PRKAG2: variants seen among roughly 807,000 people sequenced by gnomAD.
PRKAG2 encodes the protein 5'-AMP-activated protein kinase subunit gamma-2.
PRKAG2 carries 26 observed loss-of-function variants against 69.6 expected under a neutral mutation model. The observed-to-expected ratio is 0.37, with a 90% CI of 0.27 to 0.52. The LOEUF (loss-of-function observed/expected upper bound fraction) is 0.52. PRKAG2 is among the 20% of genes least tolerant of loss of function. The pLI, the probability that PRKAG2 is intolerant of heterozygous loss-of-function variation, is 0.90. For synonymous variants in PRKAG2, 293 were observed against 285.0 expected (o/e 1.03, Z -0.28); for missense variants, 557 against 740.0 (o/e 0.75, Z 2.87).
chr7:151,565,241 T>C, intron 13 of PRKAG2, 105 bp downstream of exon 13: 2 of 971,162 alleles, frequency 2.1e-6, no homozygotes, highest in Non-Finnish European at 2.9e-6. Context: ...CCCCAAAAGG[T>C]TAGAAATTAT....
At chr7:151,668,783 C>T (rs1379026485) in intron 4 of PRKAG2, among the ~76,000 whole-genome samples, 1 of 152,128 alleles carries the variant, frequency 6.6e-6, no homozygotes, top group Non-Finnish European at 1.5e-5. Flanking sequence ...CTTCCTTTCT[C>T]TCACCCTCTT....
At position 151,689,021 on chromosome 7, in the gene PRKAG2, A is replaced by C. The variant is rs189332234; in HGVS notation, c.467-13384T>G. Among the ~76,000 whole-genome samples the C allele has an allele frequency of 1.1e-3, 169 of 152,276 alleles. 1 individual carries two copies. The Middle Eastern group carries it at 0.017, about 15-fold the overall frequency. ...TCTGAGGAGCCCTGAATAGGAGAAA[A>C]TGTGGCTGAAAATGAAGTGGAAAAT... On this transcript the variant is annotated intron_variant, in intron 3 of 15. Transcript: ENST00000287878.
rs57382424 is a variant in PRKAG2 at position 151,838,706 on chromosome 7, C to CAAA, written c.114+37798_114+37800dup. Among the ~76,000 whole-genome samples, 153 of 92,208 alleles carry CAAA rather than the reference C, an allele frequency of 1.7e-3. 1 individual carries two copies. Among genetic ancestry groups the CAAA allele is most frequent in the East Asian group, 3.1e-3 (11 of 3,526 alleles). The allele number at this position is 92,208 out of a possible 152,430, so 60.5% of individuals were successfully genotyped here. A position where few individuals can be genotyped will look rare whatever the true frequency, so the allele number is the denominator to read the frequency against. Reference sequence around the variant, plus strand: ...AGGGAGATAAAGCAAGACCCTGTTTCAAAAAAAAAAAAAAAAAAGTAAAGA... The same window carrying CAAA: ...AGGGAGATAAAGCAAGACCCTGTTTCAAAAAAAAAAAAAAAAAAAAAGTAAAGA... On this transcript the variant is annotated intron_variant, in intron 1 of 15. Coordinates refer to ENST00000287878, the MANE Select transcript of PRKAG2 (RefSeq NM_016203.4).
chr7:151,708,449 G>A (rs1044907671), intron 3 of PRKAG2, among the ~76,000 whole-genome samples: 1 of 152,198 alleles, frequency 6.6e-6, no homozygotes, highest in African/African-American at 2.4e-5. Flanking sequence ...AATAGTAAAT[G>A]TACCAGTATC....
intron 1 of PRKAG2, among the ~76,000 whole-genome samples, chr7:151,851,525 C>T (rs1440721482): frequency 6.6e-6 from 1 of 152,178 alleles, no homozygotes; most frequent in Non-Finnish European, 1.5e-5. Context: ...GCAAGCAGCT[C>T]TTGTGAAGTT....
intron 1 of PRKAG2, among the ~76,000 whole-genome samples, chr7:151,818,059 C>T (rs554044301): frequency 1.3e-5 from 2 of 152,188 alleles, no homozygotes; most frequent in African/African-American, 4.8e-5. Flanking sequence ...TGCAGCAATA[C>T]GGAAAGGATC....
At chr7:151,600,163 C>T (rs909404789) in intron 5 of PRKAG2, among the ~76,000 whole-genome samples, 8 of 152,180 alleles carry the variant, frequency 5.3e-5, no homozygotes, top group Non-Finnish European at 1.2e-4. Flanking sequence ...GCCACAACTG[C>T]TTTCCCCGTT....
intron 15 of PRKAG2, chr7:151,558,715 C>T (rs765248129): frequency 9.1e-6 from 9 of 985,378 alleles, no homozygotes; most frequent in Non-Finnish European, 1.1e-5. Flanking sequence ...CAGCTACCCC[C>T]ATCTTCACGG....
chr7:151,603,869 A>G (rs1196165403), intron 5 of PRKAG2, among the ~76,000 whole-genome samples: 2 of 152,156 alleles, frequency 1.3e-5, no homozygotes, highest in Non-Finnish European at 2.9e-5. Flanking sequence ...CCTTGTTTAA[A>G]ATAATTATGT....
At chr7:151,671,659 C>A (rs1354387121) in intron 4 of PRKAG2, among the ~76,000 whole-genome samples, 1 of 152,244 alleles carries the variant, frequency 6.6e-6, no homozygotes, top group African/African-American at 2.4e-5. Context: ...GTGACTGCAA[C>A]CTTATTTGGA....
chr7:151,597,820 G>GCC (rs34809720), intron 5 of PRKAG2, among the ~76,000 whole-genome samples: 7,104 of 124,446 alleles, frequency 0.057, 417 homozygotes, highest in East Asian at 0.12. Flanking sequence ...ACAAAAGGGA[G>GCC]CCCCCCCCCC....
intron 6 of PRKAG2, among the ~76,000 whole-genome samples, chr7:151,593,446 G>A (rs1006395997): frequency 5.9e-5 from 9 of 152,134 alleles, no homozygotes; most frequent in Non-Finnish European, 1.3e-4. Flanking sequence ...TGCCCGCCTT[G>A]GCCTCCCAAA....
chr7:151,621,341 T>C (rs1260468372), intron 5 of PRKAG2, among the ~76,000 whole-genome samples: 5 of 152,200 alleles, frequency 3.3e-5, no homozygotes. Context: ...TGGTATGCTC[T>C]TCTGTAGCAG....
At position 151,624,698 on chromosome 7, in the gene PRKAG2, C is replaced by T. The variant is rs535653831; in HGVS notation, c.754+7371G>A. 1.6e-4 allele frequency among the ~76,000 whole-genome samples: 24 copies of T among 152,300 alleles called. No homozygotes were observed. The South Asian group carries it at 1.9e-3, about 12-fold the overall frequency. On this transcript the variant is annotated intron_variant, in intron 5 of 15. Transcript: ENST00000287878. ...CTTGCTACTGCCTTCAGTTATTCAA[C>T]TGCAAACGTCACAAGCCCTGATGTC... is the stretch of plus-strand genomic sequence containing the variant.
chr7:151,576,190 C>T (rs927929395), intron 7 of PRKAG2, 181 bp downstream of exon 7: 21 of 663,018 alleles, frequency 3.2e-5, no homozygotes, highest in Non-Finnish European at 5.1e-5. Context: ...ATCTCCCTGC[C>T]TTGGCCTCCC....
intron 1 of PRKAG2, among the ~76,000 whole-genome samples, chr7:151,804,071 AG>A (rs1477041734): frequency 2.0e-5 from 3 of 152,146 alleles, no homozygotes; most frequent in African/African-American, 7.2e-5. Flanking sequence ...GTAGACAGCT[AG>A]GGTTGCTTTA....
Position 151,799,065 on chromosome 7 carries a change from T to A in PRKAG2, c.115-12524A>T, listed in dbSNP as rs77042285. The stretch of plus-strand genomic sequence containing the variant: ...GCCGAGCGGTGCCTGTCAGCTTCTG[T>A]TCCCAACTGGCCCGGGCCTGCTGCG... On this transcript the variant is annotated intron_variant, in intron 1 of 15. Coordinates refer to ENST00000287878, the MANE Select transcript of PRKAG2 (RefSeq NM_016203.4). 3.6e-3 allele frequency among the ~76,000 whole-genome samples: 549 copies of A among 152,172 alleles called. 23 individuals carry two copies. In the East Asian group the frequency reaches 0.091, roughly 25 times the overall value.
chr7:151,622,975 C>T (rs1283074689), intron 5 of PRKAG2, among the ~76,000 whole-genome samples: 1 of 152,080 alleles, frequency 6.6e-6, no homozygotes, highest in Non-Finnish European at 1.5e-5. Context: ...TTGGGAGGGA[C>T]CAGTTTCATG....
intron 10 of PRKAG2, 76 bp from the exon 11 acceptor site, chr7:151,568,918 A>G (rs1806893627): frequency 6.6e-7 from 1 of 1,509,262 alleles, no homozygotes; most frequent in Admixed American, 1.7e-5. Context: ...CCTGCCTTAA[A>G]GCACTTCCAG....
Sources: gnomAD v4.1 joint callset for allele counts (sites outside exome capture counted in the v4.1 genomes callset) on GRCh38, gnomAD v4.1.1 for gene constraint, MANE v1.5 for transcripts, NCBI Gene and HGNC (gene_info 2026-07-23, HGNC 2026-07-21) for gene names.